LRBA: variants seen among roughly 807,000 people sequenced by gnomAD.
LRBA encodes lipopolysaccharide-responsive and beige-like anchor protein.
In LRBA, 176 loss-of-function variants were observed where a neutral mutation model predicts 330.0. The ratio of observed to expected loss-of-function variants is 0.53; its 90% CI spans 0.47 to 0.60. LRBA has a LOEUF of 0.60. LRBA is among the 20% of genes least tolerant of loss of function. The probability of loss-of-function intolerance (pLI) is 0.00; values close to 1 mark genes in which losing one functional copy is unlikely to be tolerated. For synonymous variants in LRBA, 1,230 were observed against 1,193.0 expected, an observed-to-expected ratio of 1.03 and a Z score of -0.64; for missense variants, 3,259 against 3,444.8, an observed-to-expected ratio of 0.95 and a Z score of 1.35.
At chr4:150,827,974 C>A (rs553751150) in intron 30 of LRBA, among the ~76,000 whole-genome samples, 1 of 152,038 alleles carries the variant, frequency 6.6e-6, no homozygotes, top group South Asian at 2.1e-4. Context: ...GTATATAATA[C>A]ATATAACAAT....
At chr4:150,493,134 C>A (rs569853742) in intron 40 of LRBA, among the ~76,000 whole-genome samples, 5 of 152,250 alleles carry the variant, frequency 3.3e-5, no homozygotes, top group Middle Eastern at 3.4e-3. Flanking sequence ...GCACGTGCCA[C>A]CACATCTAGC....
intron 16 of LRBA, among the ~76,000 whole-genome samples, chr4:150,895,622 T>C (rs1729983666): frequency 6.6e-6 from 1 of 152,238 alleles, no homozygotes; most frequent in Non-Finnish European, 1.5e-5. Context: ...CTCATCCTTT[T>C]TTATGGCTGC....
intron 34 of LRBA, among the ~76,000 whole-genome samples, chr4:150,779,931 C>A (rs1737935783): frequency 6.6e-6 from 1 of 151,950 alleles, no homozygotes; most frequent in Non-Finnish European, 1.5e-5. Context: ...TACAAGTAAC[C>A]CAATAAAATA....
intron 2 of LRBA, among the ~76,000 whole-genome samples, chr4:150,933,108 C>A (rs1025180480): frequency 6.6e-6 from 1 of 151,864 alleles, no homozygotes; most frequent in African/African-American, 2.4e-5. Flanking sequence ...TTAATGACAG[C>A]CTGGCATGAT....
intron 36 of LRBA, among the ~76,000 whole-genome samples, chr4:150,730,833 C>A (rs533650242): frequency 4.2e-4 from 63 of 151,736 alleles, no homozygotes; most frequent in Non-Finnish European, 6.9e-4. Flanking sequence ...GCCTGACCAA[C>A]ACAGCGAAAC....
At chr4:150,420,350 C>CATTATAGTATAAAGTATATATAATAG (rs1345778449) in intron 46 of LRBA, among the ~76,000 whole-genome samples, 7 of 141,980 alleles carry the variant, frequency 4.9e-5, no homozygotes, top group Non-Finnish European at 1.1e-4. Flanking sequence ...ATATATAATA[C>CATTATAGTATAAAGTATATATAATAG]ACATTATAGT....
intron 37 of LRBA, among the ~76,000 whole-genome samples, chr4:150,671,296 C>T (rs1453803240): frequency 6.6e-6 from 1 of 152,088 alleles, no homozygotes; most frequent in Non-Finnish European, 1.5e-5. Context: ...TGGTATATGT[C>T]AGACACTGTT....
At chr4:150,488,421 G>T (rs935106424) in intron 41 of LRBA, among the ~76,000 whole-genome samples, 3 of 151,524 alleles carry the variant, frequency 2.0e-5, no homozygotes, top group Non-Finnish European at 4.4e-5. Context: ...AACAATGTGT[G>T]ATCTGAAGGA....
At chr4:150,272,033 A>G (rs1344322578) in intron 56 of LRBA, among the ~76,000 whole-genome samples, 1 of 152,180 alleles carries the variant, frequency 6.6e-6, no homozygotes, top group Non-Finnish European at 1.5e-5. Flanking sequence ...TGCCTCCTCA[A>G]GTGGGTCCTC....
intron 40 of LRBA, among the ~76,000 whole-genome samples, chr4:150,531,805 T>G (rs965513563): frequency 1.3e-5 from 2 of 152,242 alleles, no homozygotes; most frequent in African/African-American, 2.4e-5. Context: ...CTGTAACTGA[T>G]GTCCAAACAG....
intron 40 of LRBA, among the ~76,000 whole-genome samples, chr4:150,571,229 A>G (rs1181932591): frequency 6.6e-6 from 1 of 152,002 alleles, no homozygotes; most frequent in African/African-American, 2.4e-5. Flanking sequence ...AGGAGAGATT[A>G]CAGATAAAGC....
chr4:150,373,160 T>A (rs1740683796), intron 47 of LRBA, among the ~76,000 whole-genome samples: 2 of 147,088 alleles, frequency 1.4e-5, no homozygotes, highest in African/African-American at 5.1e-5. Context: ...TGTGTGTGTG[T>A]GTGTGTGTGT....
chr4:150,791,577 T>C (rs927330080), intron 34 of LRBA, among the ~76,000 whole-genome samples: 12 of 152,148 alleles, frequency 7.9e-5, no homozygotes, highest in Non-Finnish European at 1.0e-4. Context: ...GGCAGATATA[T>C]TCACACAAAG....
chr4:150,325,336 T>A (rs536045431), intron 49 of LRBA, among the ~76,000 whole-genome samples: 1 of 152,208 alleles, frequency 6.6e-6, no homozygotes, highest in Non-Finnish European at 1.5e-5. Context: ...TGGTTTGTTA[T>A]ACCAAACCAT....
At chr4:150,828,920 GGGGTGTGT>G (rs1435861924) in intron 29 of LRBA, among the ~76,000 whole-genome samples, 724 of 53,290 alleles carry the variant, frequency 0.014, 9 homozygotes, top group African/African-American at 0.022. Context: ...ATCTTTTTTG[GGGGTGTGT>G]GTGTGTGTGT....
rs1035596062 is a variant in LRBA at position 150,367,443 on chromosome 4, G to T, written c.7195-17284C>A. On this transcript the variant is annotated intron_variant, in intron 47 of 56. Transcript: ENST00000651943. ...AATTACAAAGACTTGGGGCATTACT[G>T]CCTGCTGTTTTACAAGTAATCATCA... 3.9e-5 allele frequency among the ~76,000 whole-genome samples: 6 copies of T among 152,294 alleles called. 1 individual carries two copies. In the South Asian group the frequency reaches 1.2e-3, roughly 32 times the overall value.
At chr4:150,315,380 C>A (rs973484595) in intron 51 of LRBA, 181 bp downstream of exon 51, 1 of 650,640 alleles carries the variant, frequency 1.5e-6, no homozygotes, top group African/African-American at 1.8e-5. Context: ...GGCAAACCAA[C>A]GAGGGGGAGT....
chr4:150,695,525 C>G (rs1379448701), intron 36 of LRBA, among the ~76,000 whole-genome samples: 1 of 152,038 alleles, frequency 6.6e-6, no homozygotes, highest in Non-Finnish European at 1.5e-5. Context: ...TCAGTGTTGG[C>G]CAGGCTGGTC....
At position 150,831,826 on chromosome 4, in the gene LRBA, A is replaced by G. The variant is rs376117760; in HGVS notation, c.4720T>C (p.Ser1574Pro). 14 of 1,595,316 alleles carry G rather than the reference A, an allele frequency of 8.8e-6. No homozygotes were observed. The African/African-American group carries it at 1.9e-4, about 21-fold the overall frequency. Residue 1574 changes from serine to proline, a missense_variant, in exon 29 of 57, where the codon TCA becomes CCA. Transcript: ENST00000651943. ...GAAAATGCAAACTTACCAGAGAGTG[A>G]TACATTCTCATTTTCACTGCCAGTT... ...TETGSENENV[S>P]LSEITPAAFS...
Sources: gnomAD v4.1 joint callset for allele counts (sites outside exome capture counted in the v4.1 genomes callset) on GRCh38, gnomAD v4.1.1 for gene constraint, MANE v1.5 for transcripts, NCBI Gene and HGNC (gene_info 2026-07-23, HGNC 2026-07-21) for gene names.